TRIOBP: variants seen among roughly 807,000 people sequenced by gnomAD.
TRIOBP encodes TRIO and F-actin binding protein.
TRIOBP carries 169 observed loss-of-function variants against 238.8 expected under a neutral mutation model. That is an observed-to-expected ratio of 0.71 (90% CI 0.62 to 0.80). The LOEUF (loss-of-function observed/expected upper bound fraction) is 0.80. Among genes scored for constraint, TRIOBP ranks in the 30% least tolerant of loss-of-function variants. The pLI, the probability that TRIOBP is intolerant of heterozygous loss-of-function variation, is 0.00. For missense variants in TRIOBP, 2,838 were observed against 3,122.6 expected (o/e 0.91, Z 2.17); for synonymous variants, 1,150 against 1,274.4 (o/e 0.90, Z 2.08).
chr22:37,751,118 C>T (rs1422868173), intron 11 of TRIOBP: 2 of 436,190 alleles, frequency 4.6e-6, no homozygotes, highest in South Asian at 3.4e-5. Context: ...GGTGGGGGTG[C>T]CTGGCACAGG....
intron 6 of TRIOBP, among the ~76,000 whole-genome samples, chr22:37,721,413 G>A (rs1407227630): frequency 6.6e-6 from 1 of 152,180 alleles, no homozygotes; most frequent in Admixed American, 6.5e-5. Flanking sequence ...AAAGGGAGAG[G>A]ACAGGGGATC....
At chr22:37,705,460 G>C (rs970888641) in intron 3 of TRIOBP, among the ~76,000 whole-genome samples, 2 of 152,088 alleles carry the variant, frequency 1.3e-5, no homozygotes, top group Admixed American at 1.3e-4. Context: ...AGGCAAGAGG[G>C]GGGCACAGAG....
At chr22:37,752,681 G>A (rs1925684095) in intron 12 of TRIOBP, among the ~76,000 whole-genome samples, 1 of 152,228 alleles carries the variant, frequency 6.6e-6, no homozygotes, top group Non-Finnish European at 1.5e-5. Flanking sequence ...TGTCCCTGGT[G>A]GCTGCTCTCT....
rs1926940528 is a variant in TRIOBP, at chr22:37,774,376, G to A, written c.*596G>A. On this transcript the variant is annotated 3_prime_UTR_variant, in exon 24 of 24. Transcript: ENST00000644935. ...CCGTACCATGGGGCTCAGGACAGAG[G>A]GAGCTAGCAGCTGGCCTCCATGGCC... The A allele has an allele frequency of 6.6e-6, 1 of 152,308 alleles. No individual in the cohort carries two copies. The highest frequency in any genetic ancestry group is 2.1e-4 in the South Asian group (1 of 4,836). 9.4% of individuals were successfully genotyped at this position (152,308 alleles called of 1,614,324 possible).
intron 3 of TRIOBP, among the ~76,000 whole-genome samples, chr22:37,708,924 G>C (rs1413042082): frequency 6.6e-6 from 1 of 152,212 alleles, no homozygotes. Context: ...CCAGGATGAG[G>C]TGTCACATTA....
At position 37,713,225 on chromosome 22, in the gene TRIOBP, A is replaced by T. The variant is rs2145821935; in HGVS notation, c.270A>T (p.Ser90=). 6.2e-7 allele frequency: 1 copy of T among 1,613,590 alleles called. No individual in the cohort carries two copies. Among genetic ancestry groups the T allele is most frequent in the East Asian group, 2.2e-5 (1 of 44,850 alleles). ...CCTCTCCCAGGGGCCCATCCCCCTC[A>T]GCAGGGCTCCCAGAAGAGGGTCCCA... ...RPGPKRGPSP[S]AGLPEEGPTA... Residue 90 remains serine, a synonymous_variant, in exon 5 of 24, where the codon TCA becomes TCT. Coordinates refer to ENST00000644935, the MANE Select transcript of TRIOBP (RefSeq NM_001039141.3).
intron 3 of TRIOBP, among the ~76,000 whole-genome samples, chr22:37,705,265 C>T (rs970449213): frequency 1.3e-5 from 2 of 151,200 alleles, no homozygotes; most frequent in Admixed American, 1.3e-4. Flanking sequence ...ATCCCAGGTA[C>T]TTAGGAGGCT....
At chr22:37,758,763 C>T (rs1428177448) in intron 16 of TRIOBP, among the ~76,000 whole-genome samples, 5 of 152,074 alleles carry the variant, frequency 3.3e-5, no homozygotes, top group African/African-American at 9.7e-5. Context: ...TGCACTGACT[C>T]GTGGAATCCT....
In TRIOBP at chr22:37,708,244, TCA is replaced by T. The variant is rs1491176449; in HGVS notation, c.115-2180_115-2179del. 7.0e-5 allele frequency among the ~76,000 whole-genome samples: 4 copies of T among 57,548 alleles called. 1 individual carries two copies. Among genetic ancestry groups the T allele is most frequent in the Non-Finnish European group, 1.1e-4 (3 of 27,574 alleles). The allele number at this position is 57,548 out of a possible 152,430, so 37.8% of individuals were successfully genotyped here. A position where few individuals can be genotyped will look rare whatever the true frequency, so the allele number is the denominator to read the frequency against. On this transcript the variant is annotated intron_variant, in intron 3 of 23. Transcript: ENST00000644935. ...CTGAGCGACAGAGTGAGACTCCGTCTCACAAAAAAAAAAAAAAAAAAAAATTG... is the reference window on the plus strand; with the variant it reads ...CTGAGCGACAGAGTGAGACTCCGTCTCAAAAAAAAAAAAAAAAAAAAATTG...
chr22:37,768,451 T>C (rs902664711), intron 19 of TRIOBP, among the ~76,000 whole-genome samples: 4 of 152,308 alleles, frequency 2.6e-5, no homozygotes, highest in Middle Eastern at 6.8e-3. Context: ...GCAGTGTCAC[T>C]GTTGACCACT....
At chr22:37,737,221 T>C (rs901411562) in intron 9 of TRIOBP, among the ~76,000 whole-genome samples, 5 of 152,148 alleles carry the variant, frequency 3.3e-5, no homozygotes, top group African/African-American at 1.2e-4. Context: ...TTCAGTTTCA[T>C]GGTGAAGCTC....
chr22:37,727,361 T>A (rs1372724310), intron 7 of TRIOBP, among the ~76,000 whole-genome samples: 2 of 151,868 alleles, frequency 1.3e-5, no homozygotes, highest in African/African-American at 4.8e-5. Context: ...AGAAAACAGT[T>A]ATGTCAATTT....
intron 3 of TRIOBP, among the ~76,000 whole-genome samples, chr22:37,707,006 G>T (rs1429340357): frequency 6.6e-6 from 1 of 152,138 alleles, no homozygotes; most frequent in East Asian, 1.9e-4. Context: ...GGTGGCTCAC[G>T]CCTGTAATCC....
intron 15 of TRIOBP, among the ~76,000 whole-genome samples, chr22:37,757,160 G>A (rs1405836084): frequency 2.0e-5 from 3 of 152,062 alleles, no homozygotes; most frequent in Non-Finnish European, 2.9e-5. Flanking sequence ...CCAGGAGTTC[G>A]AGACCAACCT....
In TRIOBP at chr22:37,757,690, G is replaced by A. The variant is rs527996515; in HGVS notation, c.5765G>A (p.Arg1922Gln). The A allele has an allele frequency of 1.3e-5, 20 of 1,585,460 alleles. No individual in the cohort carries two copies. Among genetic ancestry groups the A allele is most frequent in the Admixed American group, 7.2e-5 (4 of 55,738 alleles). The change falls in exon 16 of 24, where the codon CGG becomes CAG. Residue 1922 changes from arginine to glutamine, a missense_variant. Arg to Gln is a conservative substitution (Grantham distance 43). This residue lies in a region of TRIOBP where 2,096 missense variants were observed against 2,137.4 expected (regional missense o/e 0.98). Transcript: ENST00000644935. The part of the protein sequence containing the change: ...QKGPLKAGEQ[R>Q]AGSEVISRGG... ...GGCCCCCTGAAGGCAGGGGAGCAGC[G>A]GGCGGGCTCTGAGGTCATCAGCCGG...
At chr22:37,719,983 A>C (rs1281810925) in intron 6 of TRIOBP, among the ~76,000 whole-genome samples, 39 of 90,076 alleles carry the variant, frequency 4.3e-4, no homozygotes, top group African/African-American at 7.9e-4. Flanking sequence ...TCACTGTTTC[A>C]CTCATCCCCC....
chr22:37,771,624 G>C (rs767310046), intron 21 of TRIOBP, 26 bp from the exon 22 acceptor site: 1 of 1,610,242 alleles, frequency 6.2e-7, no homozygotes, highest in Admixed American at 1.7e-5. Context: ...TCTGGCCCTG[G>C]GTCAGTCCAG....
In TRIOBP at chr22:37,725,620, G is replaced by C. The variant is rs372095430; in HGVS notation, c.3064G>C (p.Asp1022His). Residue 1022 changes from aspartate to histidine, a missense_variant, in exon 7 of 24, where the codon GAT becomes CAT. Transcript: ENST00000644935. ...ATGTGCTGTGTGCATTGGGCACCGG[G>C]ATGCCCCTCGAGCCTCTTCGCCCCC... ...PPCAVCIGHR[D>H]APRASSPPRY... 11 of 1,613,742 alleles carry C rather than the reference G, an allele frequency of 6.8e-6. No individual in the cohort carries two copies. In the African/African-American group the frequency reaches 1.5e-4, roughly 22 times the overall value.
rs1275256581 is a variant in TRIOBP at position 37,713,382 on chromosome 22, CCT to C, written c.428_429del (p.Pro143ArgfsTer2). ...DPTSSPDSAT[P>X]DDTSNSSSVD... is the part of the protein sequence containing the mutation. ...CACCTCCAGCCCTGACTCCGCCACC[CCT>C]GATGATACCAGCAACTCGTCCTCTG... On this transcript the variant is annotated frameshift_variant, in exon 5 of 24. Coordinates refer to ENST00000644935, the MANE Select transcript of TRIOBP (RefSeq NM_001039141.3). LOFTEE classifies it high-confidence loss of function. 2 of 1,613,626 alleles carry C rather than the reference CCT, an allele frequency of 1.2e-6. No homozygotes were observed. Among genetic ancestry groups the C allele is most frequent in the Non-Finnish European group, 1.7e-6 (2 of 1,180,008 alleles).
Sources: allele counts gnomAD v4.1 joint callset (sites outside exome capture counted in the v4.1 genomes callset), GRCh38; gene constraint gnomAD v4.1.1; regional missense constraint gnomAD v4.1.1; transcripts MANE v1.5; gene names NCBI Gene and HGNC (gene_info 2026-07-23, HGNC 2026-07-21).